The following ABCC4 variants were observed in gnomAD, a reference collection of about 807,000 sequenced individuals.
ABCC4 encodes the protein ATP-binding cassette sub-family C member 4.
A neutral mutation model predicts 168.5 loss-of-function variants in ABCC4; 102 were observed. The observed-to-expected ratio is 0.61, with a 90% CI of 0.52 to 0.71. The LOEUF (loss-of-function observed/expected upper bound fraction) is 0.71, where lower values mean the gene tolerates loss of function less well. Among genes scored for constraint, ABCC4 ranks in the 30% least tolerant of loss-of-function variants. The pLI, the probability that ABCC4 is intolerant of heterozygous loss-of-function variation, is 0.00. For missense variants in ABCC4, 1,402 were observed against 1,605.8 expected, an observed-to-expected ratio of 0.87 and a Z score of 2.17; for synonymous variants, 617 against 590.7, an observed-to-expected ratio of 1.04 and a Z score of -0.65.
chr13:95,162,058 A>G (rs1009596925), intron 18 of ABCC4, among the ~76,000 whole-genome samples: 1 of 152,232 alleles, frequency 6.6e-6, no homozygotes, highest in Admixed American at 6.5e-5. Context: ...TGCTAAATAC[A>G]GTGGGGGTAA....
At chr13:95,073,903 G>A (rs1314207612) in intron 23 of ABCC4, among the ~76,000 whole-genome samples, 1 of 152,164 alleles carries the variant, frequency 6.6e-6, no homozygotes, top group Non-Finnish European at 1.5e-5. Flanking sequence ...AACACCCTAA[G>A]TTGGACAAAA....
At chr13:95,177,677 A>G in intron 13 of ABCC4, 30 bp downstream of exon 13, 1 of 1,581,142 alleles carries the variant, frequency 6.3e-7, no homozygotes, top group Non-Finnish European at 8.6e-7. Context: ...CTGGAAAAGC[A>G]GAAATGACTT....
chr13:95,032,654 T>C (rs533666473), intron 30 of ABCC4, among the ~76,000 whole-genome samples: 2 of 122,906 alleles, frequency 1.6e-5, no homozygotes, highest in Non-Finnish European at 3.2e-5. Flanking sequence ...GGGAACATAT[T>C]TTCTTTTTCT....
At chr13:95,115,518 G>T (rs1210360483) in intron 20 of ABCC4, among the ~76,000 whole-genome samples, 1 of 132,302 alleles carries the variant, frequency 7.6e-6, no homozygotes, top group African/African-American at 2.8e-5. Flanking sequence ...AAAAAAAAAA[G>T]TGCCTAAGTA....
At chr13:95,167,456 A>G (rs916328983) in intron 14 of ABCC4, among the ~76,000 whole-genome samples, 2 of 152,158 alleles carry the variant, frequency 1.3e-5, no homozygotes, top group African/African-American at 4.8e-5. Context: ...GGCTAAGGCA[A>G]GTCAGGTGGG....
chr13:95,180,038 C>A (rs572827886), intron 11 of ABCC4, among the ~76,000 whole-genome samples: 1 of 152,118 alleles, frequency 6.6e-6, no homozygotes, highest in East Asian at 1.9e-4. Context: ...AGCATGAATC[C>A]CACTAAATAA....
intron 13 of ABCC4, among the ~76,000 whole-genome samples, 187 bp from the exon 14 acceptor site, chr13:95,170,815 G>A (rs1274616811): frequency 6.6e-6 from 1 of 152,072 alleles, no homozygotes; most frequent in Non-Finnish European, 1.5e-5. Flanking sequence ...CAGCAAATAC[G>A]AGCCTTGCTG....
intron 1 of ABCC4, among the ~76,000 whole-genome samples, chr13:95,296,608 G>A (rs572176813): frequency 6.6e-6 from 1 of 152,284 alleles, no homozygotes; most frequent in African/African-American, 2.4e-5. Flanking sequence ...CTGTGGGCCA[G>A]ATGCATCTGG....
intron 13 of ABCC4, among the ~76,000 whole-genome samples, chr13:95,173,871 C>G (rs957573321): frequency 9.2e-5 from 14 of 152,210 alleles, no homozygotes; most frequent in Admixed American, 2.0e-4. Context: ...CTGCCGTACC[C>G]CTTCCACAGT....
chr13:95,188,352 C>A, intron 10 of ABCC4, 101 bp downstream of exon 10: 1 of 1,044,942 alleles, frequency 9.6e-7, no homozygotes. Flanking sequence ...GCCAAGTGTA[C>A]CCAGTTCAAA....
chr13:95,052,776 G>C (rs1212488156), intron 27 of ABCC4, among the ~76,000 whole-genome samples: 1 of 152,180 alleles, frequency 6.6e-6, no homozygotes, highest in Non-Finnish European at 1.5e-5. Context: ...AAATGGTGCA[G>C]AGTAACTTAG....
At chr13:95,079,492 A>G (rs536401766) in intron 21 of ABCC4, among the ~76,000 whole-genome samples, 5 of 152,342 alleles carry the variant, frequency 3.3e-5, no homozygotes, top group South Asian at 4.1e-4. Flanking sequence ...GGCAACCCTC[A>G]TAAGTATTAT....
chr13:95,268,939 T>C (rs1439801945), intron 1 of ABCC4, among the ~76,000 whole-genome samples: 3 of 152,098 alleles, frequency 2.0e-5, no homozygotes, highest in Non-Finnish European at 4.4e-5. Context: ...CTCTTTCTTT[T>C]CTCAGTCTCT....
At chr13:95,072,108 C>T (rs1189462) in intron 24 of ABCC4, among the ~76,000 whole-genome samples, 137,098 of 152,248 alleles carry the variant, frequency 0.9, 62,109 homozygotes, top group Non-Finnish European at 0.95. Context: ...ACTTCTCACA[C>T]CTGTATTAAA....
At chr13:95,286,993 T>C (rs1594445468) in intron 1 of ABCC4, among the ~76,000 whole-genome samples, 1 of 146,398 alleles carries the variant, frequency 6.8e-6, no homozygotes, top group Non-Finnish European at 1.5e-5. Context: ...GAAAAATAAG[T>C]GTATAGAACT....
At chr13:95,056,994 T>C (rs927266319) in intron 26 of ABCC4, among the ~76,000 whole-genome samples, 1 of 152,198 alleles carries the variant, frequency 6.6e-6, no homozygotes, top group Non-Finnish European at 1.5e-5. Flanking sequence ...GAGTAAATAA[T>C]CCATCCTAAA....
chr13:95,187,810 G>T (rs367920073), intron 10 of ABCC4, among the ~76,000 whole-genome samples: 11 of 152,146 alleles, frequency 7.2e-5, no homozygotes, highest in African/African-American at 2.7e-4. Context: ...GACTAAGTCT[G>T]TACGCACGTT....
At position 95,161,806 on chromosome 13, in the gene ABCC4, A is replaced by T. The variant is rs528737577; in HGVS notation, c.2309-471T>A. On this transcript the variant is annotated intron_variant, in intron 18 of 30. Transcript: ENST00000645237. ...ATGCCCAAGTAGCTTTAAAGAATTT[A>T]AAAATACCGTATTAAGTTGCATGTG... 3 of 152,388 alleles carry T rather than the reference A, an allele frequency of 2.0e-5. No individual in the cohort carries two copies. In the East Asian group the frequency reaches 5.8e-4, roughly 29 times the overall value. The allele number at this position is 152,388 out of a possible 1,614,324, so 9.4% of individuals were successfully genotyped here.
intron 20 of ABCC4, among the ~76,000 whole-genome samples, chr13:95,095,322 C>G (rs2034558135): frequency 6.6e-6 from 1 of 151,884 alleles, no homozygotes; most frequent in African/African-American, 2.4e-5. Context: ...ATCTATCTAT[C>G]TATCTATCTA....
Sources: allele counts gnomAD v4.1 joint callset (sites outside exome capture counted in the v4.1 genomes callset), GRCh38; gene constraint gnomAD v4.1.1; transcripts MANE v1.5; gene names NCBI Gene and HGNC (gene_info 2026-07-23, HGNC 2026-07-21).